Variants in ZNF341 observed in about 807,000 individuals in gnomAD.
ZNF341 encodes zinc finger protein 341.
A neutral mutation model predicts 87.7 loss-of-function variants in ZNF341; 52 were observed. The observed-to-expected ratio is 0.59, with a 90% confidence interval of 0.47 to 0.75. The LOEUF (loss-of-function observed/expected upper bound fraction) is 0.75. Ranked by LOEUF, ZNF341 falls within the 30% of genes least tolerant of loss-of-function variation. ZNF341 has a pLI of 0.00. For synonymous variants in ZNF341, 459 were observed against 472.7 expected (o/e 0.97, Z 0.38); for missense variants, 977 against 1,145.9 (o/e 0.85, Z 2.13).
intron 2 of ZNF341, among the ~76,000 whole-genome samples, chr20:33,741,405 T>C (rs920993804): frequency 6.6e-5 from 10 of 151,370 alleles, no homozygotes; most frequent in African/African-American, 1.9e-4. Context: ...TTTTTTTTTT[T>C]TTCTTTTTTT....
intron 2 of ZNF341, among the ~76,000 whole-genome samples, chr20:33,741,638 A>G (rs2018806078): frequency 6.6e-6 from 1 of 151,896 alleles, no homozygotes; most frequent in Admixed American, 6.6e-5. Flanking sequence ...CGCCTGACCT[A>G]AGGTGATCTG....
rs2020046565 is a variant in ZNF341 at position 33,791,891 on chromosome 20, C to T, written c.*374C>T. ...TGTCTCCAGGCTGCCTCTGGGTAGC[C>T]TCTAGTCTGCTGTTCTTCAGGAGGC... On this transcript the variant is annotated 3_prime_UTR_variant, in exon 15 of 15. Coordinates refer to ENST00000375200, the MANE Select transcript of ZNF341 (RefSeq NM_001282933.2). 1 of 228,060 alleles carries T rather than the reference C, an allele frequency of 4.4e-6. No homozygotes were observed. The highest frequency in any genetic ancestry group is 8.6e-6 in the Non-Finnish European group (1 of 116,682). 14.1% of individuals were successfully genotyped at this position (228,060 alleles called of 1,614,324 possible).
chr20:33,759,537 G>T (rs1490494105), intron 7 of ZNF341, among the ~76,000 whole-genome samples: 1 of 152,142 alleles, frequency 6.6e-6, no homozygotes, highest in East Asian at 1.9e-4. Flanking sequence ...ACCCGCCTCG[G>T]CCTCCCAAAG....
intron 1 of ZNF341, among the ~76,000 whole-genome samples, chr20:33,733,312 G>A (rs900685233): frequency 2.0e-5 from 3 of 150,880 alleles, no homozygotes; most frequent in East Asian, 2.0e-4. Context: ...TCCGCTTCCC[G>A]GGGTTCACGC....
chr20:33,766,910 G>A lies in ZNF341; in HGVS notation c.1282G>A (p.Glu428Lys). ...QPQALSTAGE[E>K]EGDKPESKQV... is the part of the protein sequence containing the mutation. ...CCAGGCCTTGTCCACAGCTGGTGAG[G>A]AAGAGGGGGACAAGCCGGAGTCCAA... The change falls in exon 9 of 15, where the codon GAA (glutamate) becomes AAA (lysine). Residue 428 changes from glutamate to lysine, a missense_variant. By Grantham distance (56) the Glu-to-Lys change is moderately conservative. Transcript: ENST00000375200. The A allele has an allele frequency of 6.2e-7, 1 of 1,614,194 alleles. No homozygotes were observed. Among genetic ancestry groups the A allele is most frequent in the Non-Finnish European group, 8.5e-7 (1 of 1,180,026 alleles).
chr20:33,761,914 C>T lies in ZNF341; in HGVS notation c.1081C>T (p.Gln361Ter). The T allele has an allele frequency of 6.3e-7, 1 of 1,599,538 alleles. No individual in the cohort carries two copies. Among genetic ancestry groups the T allele is most frequent in the East Asian group, 2.3e-5 (1 of 44,444 alleles). ...QCIACGRAFA[Q>*]KSNVKKHMQT... ...CATTGCATGTGGCCGTGCCTTTGCC[C>T]AGAAGTCTAATGTTAAGAAACACAT... The change falls in exon 8 of 15, where the codon CAG becomes TAG. Residue 361 changes from glutamine to a stop codon, truncating the protein, a stop_gained. Coordinates refer to ENST00000375200, the MANE Select transcript of ZNF341 (RefSeq NM_001282933.2). LOFTEE classifies it high-confidence loss of function.
At chr20:33,788,444 G>A (rs1187312516) in intron 12 of ZNF341, 3 of 205,346 alleles carry the variant, frequency 1.5e-5, no homozygotes, top group Non-Finnish European at 3.0e-5. Flanking sequence ...ATAAATAAAA[G>A]CCAAGTCCTT....
At chr20:33,746,065 G>A (rs184353430) in intron 3 of ZNF341, among the ~76,000 whole-genome samples, 1 of 150,796 alleles carries the variant, frequency 6.6e-6, no homozygotes, top group African/African-American at 2.4e-5. Flanking sequence ...CAAGTAGCTG[G>A]GACTACAGGT....
At position 33,732,939 on chromosome 20, in the gene ZNF341, T is replaced by C. The variant is rs1290422423; in HGVS notation, c.31+887T>C. On this transcript the variant is annotated intron_variant, in intron 1 of 14. Coordinates refer to ENST00000375200, the MANE Select transcript of ZNF341 (RefSeq NM_001282933.2). This position sits in a 1 kb window ranked among gnomAD's most constrained non-coding sequence, Gnocchi z 4.5. ...CAGACCAAGAATGGTCTTGGAGGAGTGGGATGAGATGAGTATACAGATAGG... is the reference window on the plus strand; with the variant it reads ...CAGACCAAGAATGGTCTTGGAGGAGCGGGATGAGATGAGTATACAGATAGG... 6.6e-6 allele frequency among the ~76,000 whole-genome samples: 1 copy of C among 151,596 alleles called. No individual in the cohort carries two copies. The highest frequency in any genetic ancestry group is 1.5e-5 in the Non-Finnish European group (1 of 67,892).
chr20:33,742,707 C>T (rs1177360101), intron 2 of ZNF341, among the ~76,000 whole-genome samples: 3 of 151,826 alleles, frequency 2.0e-5, no homozygotes, highest in Non-Finnish European at 4.4e-5. Context: ...TCAAGCAATC[C>T]TCCCACCTCA....
intron 2 of ZNF341, among the ~76,000 whole-genome samples, chr20:33,743,075 A>G (rs2018839835): frequency 7.2e-6 from 1 of 138,922 alleles, no homozygotes; most frequent in South Asian, 2.2e-4. Context: ...CATGTTGCCC[A>G]GGCTGGAGTG....
At chr20:33,780,830 G>T (rs1404528179) in intron 10 of ZNF341, among the ~76,000 whole-genome samples, 5 of 151,936 alleles carry the variant, frequency 3.3e-5, no homozygotes, top group South Asian at 2.1e-4. Flanking sequence ...CGATCCTCCT[G>T]CCTTAGCCTC....
intron 2 of ZNF341, among the ~76,000 whole-genome samples, chr20:33,743,081 G>A (rs994826118): frequency 6.6e-6 from 1 of 151,154 alleles, no homozygotes; most frequent in Non-Finnish European, 1.5e-5. Flanking sequence ...GCCCAGGCTG[G>A]AGTGCAATGG....
intron 10 of ZNF341, among the ~76,000 whole-genome samples, chr20:33,772,628 AATAGGAGTTTGC>A (rs2019555179): frequency 6.6e-6 from 1 of 152,178 alleles, no homozygotes; most frequent in Non-Finnish European, 1.5e-5. Flanking sequence ...TTGAAGGATG[AATAGGAGTTTGC>A]CAGGTAGACA....
chr20:33,746,422 T>C (rs1425588914), intron 3 of ZNF341, among the ~76,000 whole-genome samples: 12 of 148,482 alleles, frequency 8.1e-5, no homozygotes, highest in Middle Eastern at 3.7e-3. Context: ...TTAGTAGAGA[T>C]GGGGTTTCAC....
At chr20:33,737,319 A>T (rs529226289) in intron 1 of ZNF341, among the ~76,000 whole-genome samples, 26 of 151,822 alleles carry the variant, frequency 1.7e-4, no homozygotes, top group African/African-American at 3.1e-4. Context: ...TTATTTATTT[A>T]TTTTTTATTT....
At chr20:33,754,258 CA>C (rs2019125944) in intron 5 of ZNF341, among the ~76,000 whole-genome samples, 1 of 152,170 alleles carries the variant, frequency 6.6e-6, no homozygotes, top group Non-Finnish European at 1.5e-5. Flanking sequence ...ATAATACAAT[CA>C]ATGTACCATA....
In ZNF341 at chr20:33,732,321, C is replaced by A. The variant is rs1057419636; in HGVS notation, c.31+269C>A. ...CAGCGCCAGCCTGGGCGGCCTTGGG[C>A]GGGCGCGGGAGGGGCTCCCTGCAGG... On this transcript the variant is annotated intron_variant, in intron 1 of 14. Transcript: ENST00000375200. The surrounding 1 kb of genome is among the most constrained non-coding windows in gnomAD (Gnocchi z 4.5). Among the ~76,000 whole-genome samples, 1 of 150,740 alleles carries A rather than the reference C, an allele frequency of 6.6e-6. No individual in the cohort carries two copies. The highest frequency in any genetic ancestry group is 2.4e-5 in the African/African-American group (1 of 41,078).
intron 5 of ZNF341, among the ~76,000 whole-genome samples, chr20:33,756,406 G>T (rs983975442): frequency 2.1e-5 from 3 of 141,172 alleles, no homozygotes; most frequent in African/African-American, 8.0e-5. Flanking sequence ...TCACTCCATC[G>T]CCCAGGCTGG....
Sources: gnomAD v4.1 joint callset for allele counts (sites outside exome capture counted in the v4.1 genomes callset) on GRCh38, gnomAD v4.1.1 for gene constraint, Gnocchi (gnomAD v3.1) non-coding constraint, MANE v1.5 for transcripts, NCBI Gene and HGNC (gene_info 2026-07-23, HGNC 2026-07-21) for gene names.